Variants in E2F6 observed in about 807,000 individuals in gnomAD.
The protein encoded by E2F6 is E2F transcription factor 6.
E2F6 carries 19 observed loss-of-function variants against 31.5 expected under a neutral mutation model. That is an observed-to-expected ratio of 0.60 (90% CI 0.42 to 0.89). The LOEUF is 0.89. Ranked by LOEUF, E2F6 falls within the 40% of genes least tolerant of loss-of-function variation. The pLI is 0.00. For synonymous variants in E2F6, 121 were observed against 127.7 expected, an observed-to-expected ratio of 0.95 and a Z score of 0.36; for missense variants, 269 against 341.6, an observed-to-expected ratio of 0.79 and a Z score of 1.67.
chr2:11,458,207 G>C, intron 1 of E2F6: 1 of 1,513,136 alleles, frequency 6.6e-7, no homozygotes, highest in Non-Finnish European at 9.0e-7. Context: ...CAAAACTGGG[G>C]CAAGTGAATT....
At position 11,466,013 on chromosome 2, in the gene E2F6, G is replaced by T; in HGVS notation, c.-134C>A. The stretch of plus-strand genomic sequence containing the variant: ...CTAAGGGGTCCGCGGCTTCCTCCGA[G>T]GCGCCGCCCGGCTAGGCCGTCCCGC... On this transcript the variant is annotated 5_prime_UTR_variant, in exon 1 of 7. Transcript: ENST00000381525. 1.3e-6 allele frequency: 1 copy of T among 753,952 alleles called. No homozygotes were observed. Among genetic ancestry groups the T allele is most frequent in the Non-Finnish European group, 2.0e-6 (1 of 506,824 alleles). 46.7% of individuals were successfully genotyped at this position (753,952 alleles called of 1,614,324 possible).
chr2:11,450,216 T>C, intron 4 of E2F6, 90 bp from the exon 5 acceptor site: 1 of 762,448 alleles, frequency 1.3e-6, no homozygotes. Context: ...AGGGTAATGT[T>C]AGAATGTTTT....
Position 11,448,801 on chromosome 2 carries a change from T to C in E2F6, c.652-1027A>G, listed in dbSNP as rs74831950. ...TATCCCTGTCACAACCTTTTAACTC[T>C]GCCACTATAGTATGAAAGCAGTCAG... is the stretch of plus-strand genomic sequence containing the variant. On this transcript the variant is annotated intron_variant, in intron 5 of 6. Transcript: ENST00000381525. 3.9e-3 allele frequency among the ~76,000 whole-genome samples: 597 copies of C among 152,370 alleles called. 6 individuals are homozygous for C. Among genetic ancestry groups the C allele is most frequent in the African/African-American group, 0.014 (574 of 41,582 alleles).
chr2:11,455,744 C>T (rs1469395837), intron 2 of E2F6, among the ~76,000 whole-genome samples: 1 of 152,152 alleles, frequency 6.6e-6, no homozygotes, highest in Non-Finnish European at 1.5e-5. Flanking sequence ...CAGAGGTCTT[C>T]ACACCAAAGC....
chr2:11,457,822 A>G (rs1644317786), intron 1 of E2F6, among the ~76,000 whole-genome samples: 1 of 152,250 alleles, frequency 6.6e-6, no homozygotes, highest in South Asian at 2.1e-4. Context: ...TTTCATAGGC[A>G]GCTATGCATT....
rs541568046 is a variant in E2F6 at position 11,465,939 on chromosome 2, C to T, written c.-60G>A. The T allele has an allele frequency of 5.2e-4, 747 of 1,424,384 alleles. 4 individuals are homozygous for T. In the African/African-American group the frequency reaches 9.7e-3, roughly 18 times the overall value. The allele number at this position is 1,424,384 out of a possible 1,614,324, so 88.2% of individuals were successfully genotyped here. A position where few individuals can be genotyped will look rare whatever the true frequency, so the allele number is the denominator to read the frequency against. The stretch of plus-strand genomic sequence containing the variant: ...CCACGAGCTCTCCCGCCCTCTCGCG[C>T]TCAGCTCGAGCACCGCCCCCCACGC... On this transcript the variant is annotated 5_prime_UTR_variant, in exon 1 of 7. Transcript: ENST00000381525.
At chr2:11,464,448 C>T (rs757676629) in intron 1 of E2F6, among the ~76,000 whole-genome samples, 15 of 138,368 alleles carry the variant, frequency 1.1e-4, no homozygotes, top group Admixed American at 2.4e-4. Context: ...ACTCGGGAGG[C>T]GGAGCTTGCA....
intron 1 of E2F6, among the ~76,000 whole-genome samples, chr2:11,462,401 CA>C (rs1671837811): frequency 6.6e-6 from 1 of 152,170 alleles, no homozygotes; most frequent in Non-Finnish European, 1.5e-5. Flanking sequence ...TAATAAAATA[CA>C]ACAATTATAG....
In E2F6 at chr2:11,455,786, AT is replaced by A. The variant is rs1233879293; in HGVS notation, c.163+1392del. Among the ~76,000 whole-genome samples, 6 of 152,330 alleles carry A rather than the reference AT, an allele frequency of 3.9e-5. No individual in the cohort carries two copies. The East Asian group carries it at 1.2e-3, about 29-fold the overall frequency. On this transcript the variant is annotated intron_variant, in intron 2 of 6. Coordinates refer to ENST00000381525, the MANE Select transcript of E2F6 (RefSeq NM_198256.4). ...GTAGTCTAATAAGGAACTCTATTAT[AT>A]GTCCTGAGGTAAGTGCTAAGAGAGG...
At chr2:11,459,099 A>G (rs1671599225) in intron 1 of E2F6, among the ~76,000 whole-genome samples, 1 of 146,484 alleles carries the variant, frequency 6.8e-6, no homozygotes, top group Admixed American at 6.8e-5. Context: ...CTTGAATGGA[A>G]AAAAAAAAAA....
intron 4 of E2F6, among the ~76,000 whole-genome samples, chr2:11,450,380 A>T (rs1670987899): frequency 6.6e-6 from 1 of 152,166 alleles, no homozygotes; most frequent in Non-Finnish European, 1.5e-5. Flanking sequence ...AAGCTCTACT[A>T]TTATGATTAT....
intron 1 of E2F6, among the ~76,000 whole-genome samples, chr2:11,464,355 A>AT (rs1671994110): frequency 6.6e-6 from 1 of 151,854 alleles, no homozygotes. Flanking sequence ...TCTACTAAAA[A>AT]TACAAAAAAA....
In E2F6 at chr2:11,461,019, T is replaced by G. The variant is rs535038710; in HGVS notation, c.109-3786A>C. Among the ~76,000 whole-genome samples, 6 of 151,554 alleles carry G rather than the reference T, an allele frequency of 4.0e-5. No homozygotes were observed. The South Asian group carries it at 1.3e-3, about 32-fold the overall frequency. ...GCTGGGACTTGGGTCTAGTAATAGG[T>G]CTAGAAGCAAAGAGGGGTGGCGGGG... On this transcript the variant is annotated intron_variant, in intron 1 of 6. Transcript: ENST00000381525.
At chr2:11,465,724 C>A in intron 1 of E2F6, 48 bp downstream of exon 1, 1 of 1,540,312 alleles carries the variant, frequency 6.5e-7, no homozygotes, top group African/African-American at 1.4e-5. Context: ...GAGGAGGGGG[C>A]CGGATTTGGG....
At chr2:11,463,948 C>CGGAG (rs1553336589) in intron 1 of E2F6, among the ~76,000 whole-genome samples, 1 of 71,626 alleles carries the variant, frequency 1.4e-5, no homozygotes, top group South Asian at 4.7e-4. Flanking sequence ...GATCCTGCAC[C>CGGAG]GGGGGGGGGG....
At chr2:11,460,089 C>G (rs1671680363) in intron 1 of E2F6, among the ~76,000 whole-genome samples, 1 of 152,050 alleles carries the variant, frequency 6.6e-6, no homozygotes, top group Non-Finnish European at 1.5e-5. Flanking sequence ...TCCAAGTCCC[C>G]TATTTAAAGA....
At chr2:11,449,538 A>C (rs745981843) in intron 5 of E2F6, among the ~76,000 whole-genome samples, 16 of 152,228 alleles carry the variant, frequency 1.1e-4, no homozygotes, top group Non-Finnish European at 2.1e-4. Flanking sequence ...GCGGCTGACA[A>C]AAATAATGTT....
intron 1 of E2F6, among the ~76,000 whole-genome samples, chr2:11,461,242 T>C (rs1671760261): frequency 1.3e-5 from 2 of 152,164 alleles, no homozygotes; most frequent in South Asian, 4.2e-4. Flanking sequence ...CAGCCTCATC[T>C]TCCCACATGA....
At chr2:11,448,528 T>C (rs892387326) in intron 5 of E2F6, among the ~76,000 whole-genome samples, 2 of 152,104 alleles carry the variant, frequency 1.3e-5, no homozygotes, top group African/African-American at 4.8e-5. Context: ...CCAGGGTGAG[T>C]CTGTGGAGAT....
Sources: allele counts gnomAD v4.1 joint callset (sites outside exome capture counted in the v4.1 genomes callset), GRCh38; gene constraint gnomAD v4.1.1; transcripts MANE v1.5; gene names NCBI Gene and HGNC (gene_info 2026-07-23, HGNC 2026-07-21).